INVS: variants seen among roughly 807,000 people sequenced by gnomAD.
The protein encoded by INVS is inversion of embryo turning homolog.
Under a neutral mutation model 108.8 loss-of-function variants are expected in INVS, and 86 were observed. The ratio of observed to expected loss-of-function variants is 0.79; its 90% CI spans 0.66 to 0.95. INVS has a LOEUF of 0.95. INVS is among the 40% of genes least tolerant of loss of function. The pLI is 0.00. For synonymous variants in INVS, 455 were observed against 473.5 expected (o/e 0.96, Z 0.51); for missense variants, 1,169 against 1,297.4 (o/e 0.90, Z 1.52).
At chr9:100,225,992 A>G in intron 3 of INVS, 70 bp from the exon 4 acceptor site, 2 of 1,102,756 alleles carry the variant, frequency 1.8e-6, no homozygotes, top group South Asian at 2.8e-5. Flanking sequence ...TACTTAAAAC[A>G]TTTTAAAATT....
chr9:100,253,802 A>T (rs1832322342), intron 10 of INVS, among the ~76,000 whole-genome samples: 1 of 152,092 alleles, frequency 6.6e-6, no homozygotes, highest in African/African-American at 2.4e-5. Flanking sequence ...TATTTTCTTA[A>T]TCCAGTCTAT....
At chr9:100,198,793 A>G (rs950665372) in intron 3 of INVS, among the ~76,000 whole-genome samples, 1 of 151,574 alleles carries the variant, frequency 6.6e-6, no homozygotes, top group African/African-American at 2.4e-5. Context: ...GGGTTTCACC[A>G]TGTTGGCCAG....
At chr9:100,280,812 G>A (rs1018921595) in intron 12 of INVS, among the ~76,000 whole-genome samples, 3 of 152,206 alleles carry the variant, frequency 2.0e-5, no homozygotes, top group Non-Finnish European at 4.4e-5. Context: ...TTATGGCTGA[G>A]TGTGGTGGCT....
chr9:100,185,512 T>C (rs1485595832), intron 3 of INVS, among the ~76,000 whole-genome samples: 1 of 127,556 alleles, frequency 7.8e-6, no homozygotes, highest in African/African-American at 2.9e-5. Flanking sequence ...TGTATATGCA[T>C]AGAAATATAT....
intron 2 of INVS, among the ~76,000 whole-genome samples, chr9:100,115,461 G>A (rs1564118861): frequency 1.3e-5 from 2 of 150,612 alleles, no homozygotes; most frequent in Admixed American, 6.6e-5. Context: ...CCCGTCCCCC[G>A]ACCCCACAAC....
At chr9:100,218,085 A>G (rs924792288) in intron 3 of INVS, among the ~76,000 whole-genome samples, 1 of 152,126 alleles carries the variant, frequency 6.6e-6, no homozygotes, top group Non-Finnish European at 1.5e-5. Flanking sequence ...TAATATATTT[A>G]GGATTTAAAA....
At chr9:100,286,870 A>G (rs1441495043) in intron 13 of INVS, among the ~76,000 whole-genome samples, 1 of 152,058 alleles carries the variant, frequency 6.6e-6, no homozygotes, top group Non-Finnish European at 1.5e-5. Context: ...CTTCTCCTAT[A>G]CTTCCCTCTT....
At position 100,292,847 on chromosome 9, in the gene INVS, A is replaced by T; in HGVS notation, c.2590A>T (p.Thr864Ser). ...ELRSGARRLE[T>S]STLSEDFQVS... ...GAGGTCAGGAGCTAGGAGGCTGGAG[A>T]CATCTACCCTGTCCGAGGACTTTCA... The change falls in exon 14 of 17, where the codon ACA becomes TCA. Residue 864 changes from threonine to serine, a missense_variant. Transcript: ENST00000262457. 1 of 1,614,158 alleles carries T rather than the reference A, an allele frequency of 6.2e-7. No individual in the cohort carries two copies. Among genetic ancestry groups the T allele is most frequent in the Non-Finnish European group, 8.5e-7 (1 of 1,180,042 alleles).
chr9:100,201,686 G>A (rs1004695229), intron 3 of INVS, among the ~76,000 whole-genome samples: 2 of 152,210 alleles, frequency 1.3e-5, no homozygotes, highest in Non-Finnish European at 2.9e-5. Context: ...CTGGAAGCCA[G>A]AATTACCTTG....
chr9:100,125,022 A>G (rs758896822), intron 2 of INVS, among the ~76,000 whole-genome samples: 2 of 152,204 alleles, frequency 1.3e-5, no homozygotes, highest in African/African-American at 2.4e-5. Flanking sequence ...AACCAAGGCA[A>G]TGATCTAACT....
intron 16 of INVS, among the ~76,000 whole-genome samples, chr9:100,300,318 G>A (rs1019382911): frequency 2.0e-5 from 3 of 152,178 alleles, no homozygotes; most frequent in African/African-American, 4.8e-5. Flanking sequence ...ACTGAAGACC[G>A]AGGTTCTGGT....
Position 100,176,222 on chromosome 9 carries a change from G to T in INVS, c.273+49673G>T, listed in dbSNP as rs879115456. 3.3e-5 allele frequency among the ~76,000 whole-genome samples: 5 copies of T among 152,192 alleles called. No homozygotes were observed. The East Asian group carries it at 7.7e-4, about 24-fold the overall frequency. ...TCAAGTCGATTTTGTGGAGGGTGGG[G>T]TATGATTGGAGCCAAATCAGAGAGT... On this transcript the variant is annotated intron_variant, in intron 3 of 16. Transcript: ENST00000262457.
chr9:100,300,640 C>T lies in INVS; in HGVS notation c.3164C>T (p.Ser1055Leu). ...RSKNFSYNLQ[S>L]ATQPKNKTKP The stretch of plus-strand genomic sequence containing the variant: ...AAGAACTTTTCTTATAACCTGCAAT[C>T]AGCTACTCAGCCAAAAAACAAAACA... The change falls in exon 17 of 17, where the codon TCA becomes TTA. Residue 1055 changes from serine (S) to leucine (L), a missense_variant. This residue lies in a region of INVS where 533 missense variants were observed against 536.0 expected (regional missense o/e 0.99). Coordinates refer to ENST00000262457, the MANE Select transcript of INVS (RefSeq NM_014425.5). 6.2e-7 allele frequency: 1 copy of T among 1,613,808 alleles called. No homozygotes were observed. Among genetic ancestry groups the T allele is most frequent in the South Asian group, 1.1e-5 (1 of 91,072 alleles).
At chr9:100,153,643 G>A (rs537891165) in intron 3 of INVS, among the ~76,000 whole-genome samples, 7 of 152,308 alleles carry the variant, frequency 4.6e-5, no homozygotes, top group Admixed American at 4.6e-4. Flanking sequence ...GAATACCACA[G>A]ACTGGGTAAT....
At chr9:100,145,260 A>G (rs1828564448) in intron 3 of INVS, among the ~76,000 whole-genome samples, 1 of 151,958 alleles carries the variant, frequency 6.6e-6, no homozygotes, top group Non-Finnish European at 1.5e-5. Flanking sequence ...CCTTCCAGAA[A>G]AGCAGGAAAG....
At chr9:100,185,195 ATTTG>A (rs1830016014) in intron 3 of INVS, among the ~76,000 whole-genome samples, 3 of 148,662 alleles carry the variant, frequency 2.0e-5, no homozygotes, top group Admixed American at 6.6e-5. Context: ...TCATCTTTAT[ATTTG>A]TTCCAATAAT....
intron 8 of INVS, among the ~76,000 whole-genome samples, chr9:100,251,607 G>C (rs2118555272): frequency 6.6e-6 from 1 of 152,172 alleles, no homozygotes; most frequent in East Asian, 1.9e-4. Flanking sequence ...ATTTTCTCCA[G>C]ACTGGTCTAG....
Position 100,284,479 on chromosome 9 carries a change from C to A in INVS, c.1944C>A (p.Asn648Lys), listed in dbSNP as rs369319343. ...RAPSKQPPAG[N>K]VAQGPEPRDS... ...CCAGCAAGCAGCCTCCTGCTGGCAA[C>A]GTGGCCCAAGGCCCTGAGCCAAGAG... The change falls in exon 13 of 17, where the codon AAC (asparagine) becomes AAA (lysine). Residue 648 changes from asparagine (N) to lysine (K), a missense_variant. Around this residue, in one of 3 missense-constraint regions of INVS, gnomAD observed 533 missense variants for 536.0 expected, o/e 0.99. Transcript: ENST00000262457. 1.9e-6 allele frequency: 3 copies of A among 1,614,014 alleles called. No homozygotes were observed. Among genetic ancestry groups the A allele is most frequent in the Admixed American group, 1.7e-5 (1 of 59,992 alleles).
intron 3 of INVS, among the ~76,000 whole-genome samples, chr9:100,180,224 A>C (rs1179294139): frequency 6.6e-6 from 1 of 152,162 alleles, no homozygotes; most frequent in Non-Finnish European, 1.5e-5. Context: ...ATCACAATTA[A>C]AAGAACTAGA....
Sources: allele counts gnomAD v4.1 joint callset (sites outside exome capture counted in the v4.1 genomes callset), GRCh38; gene constraint gnomAD v4.1.1; regional missense constraint gnomAD v4.1.1; transcripts MANE v1.5; gene names NCBI Gene and HGNC (gene_info 2026-07-23, HGNC 2026-07-21).